Variants in ZNF143 observed in about 807,000 individuals in gnomAD.
The protein encoded by ZNF143 is SPH-binding factor.
In ZNF143, 49 loss-of-function variants were observed where a neutral mutation model predicts 74.1. The ratio of observed to expected loss-of-function variants is 0.66; its 90% CI spans 0.53 to 0.84. ZNF143 has a LOEUF of 0.84. Ranked by LOEUF, ZNF143 falls within the 40% of genes least tolerant of loss-of-function variation. The pLI is 0.00. For synonymous variants in ZNF143, 304 were observed against 282.8 expected, an observed-to-expected ratio of 1.07 and a Z score of -0.75; for missense variants, 637 against 793.4, an observed-to-expected ratio of 0.80 and a Z score of 2.37.
rs185826359 is a variant in ZNF143 at position 9,494,897 on chromosome 11, C to T, written c.765+132C>T. ...CAAGATACTGGCACTTGGTCACACT[C>T]ATACACAGACATGTAAAAACCTATG... On this transcript the variant is annotated intron_variant, in intron 8 of 15. Transcript: ENST00000396602. 2.7e-4 allele frequency: 244 copies of T among 912,410 alleles called. 1 individual carries two copies. In the East Asian group the frequency reaches 6.6e-3, roughly 25 times the overall value. The allele number at this position is 912,410 out of a possible 1,614,324, so 56.5% of individuals were successfully genotyped here.
intron 11 of ZNF143, among the ~76,000 whole-genome samples, chr11:9,501,855 A>G (rs1848170886): frequency 6.6e-6 from 1 of 151,680 alleles, no homozygotes; most frequent in African/African-American, 2.4e-5. Context: ...TTGTGCTGTC[A>G]AAGTTAAGGT....
chr11:9,502,758 G>T (rs1263724591), intron 11 of ZNF143, among the ~76,000 whole-genome samples: 1 of 151,886 alleles, frequency 6.6e-6, no homozygotes, highest in African/African-American at 2.4e-5. Flanking sequence ...CGCCCCCCAG[G>T]TGTAAGCAAT....
rs181713258 is a variant in ZNF143, at chr11:9,461,430, C to T, written c.-8+354C>T. On this transcript the variant is annotated intron_variant, in intron 1 of 15. Transcript: ENST00000396602. Reference sequence around the variant, plus strand: ...CCTCGGGAGCCTTGGCCGCGTTTCTCGGCCTGACCTCCGCGCAGAGCGAGT... The same window carrying T: ...CCTCGGGAGCCTTGGCCGCGTTTCTTGGCCTGACCTCCGCGCAGAGCGAGT... 4.3e-3 allele frequency among the ~76,000 whole-genome samples: 659 copies of T among 152,264 alleles called. 2 individuals carry two copies. The highest frequency in any genetic ancestry group is 0.014 in the Middle Eastern group (4 of 292).
chr11:9,506,805 C>CTT lies in ZNF143; in HGVS notation c.1148-1811_1148-1810dup, dbSNP rs1554967714. Among the ~76,000 whole-genome samples the CTT allele has an allele frequency of 2.0e-5, 3 of 152,108 alleles. No individual in the cohort carries two copies. The Middle Eastern group carries it at 0.01, about 521-fold the overall frequency. ...GACCTGTGAAATGCAGTCCTTTTTT[C>CTT]TTTTCTTTTTCTTTTTTTTTCTTTG... is the stretch of plus-strand genomic sequence containing the variant. On this transcript the variant is annotated intron_variant, in intron 11 of 15. Coordinates refer to ENST00000396602, the MANE Select transcript of ZNF143 (RefSeq NM_003442.6).
intron 1 of ZNF143, chr11:9,471,029 GATC>G (rs1856535801): frequency 5.8e-6 from 1 of 172,850 alleles, no homozygotes; most frequent in South Asian, 2.0e-4. Flanking sequence ...GAATTCTAGA[GATC>G]ATATGAAACT....
At position 9,525,325 on chromosome 11, in the gene ZNF143, C is replaced by A. The variant is rs769432384; in HGVS notation, c.1772C>A (p.Thr591Asn). 3 of 1,614,200 alleles carry A rather than the reference C, an allele frequency of 1.9e-6. No individual in the cohort carries two copies. In the South Asian group the frequency reaches 3.3e-5, roughly 18 times the overall value. ...GHQQHSHHLV[T>N]TETRPLTLVA... Reference sequence around the variant, plus strand: ...CAGCAGCATAGCCATCACTTAGTAACCACAGAAACCAGACCTCTGACCTTA... The same window carrying A: ...CAGCAGCATAGCCATCACTTAGTAAACACAGAAACCAGACCTCTGACCTTA... The change falls in exon 15 of 16, where the codon ACC becomes AAC. Residue 591 changes from threonine to asparagine, a missense_variant. Physicochemically the swap from Thr to Asn is moderately conservative, Grantham distance 65. Transcript: ENST00000396602.
intron 2 of ZNF143, among the ~76,000 whole-genome samples, chr11:9,472,309 G>A (rs181327490): frequency 6.6e-6 from 1 of 152,222 alleles, no homozygotes; most frequent in Admixed American, 6.5e-5. Context: ...CTGGAGGGCA[G>A]TGGCACAATC....
chr11:9,482,926 A>C (rs1419016259), intron 7 of ZNF143, among the ~76,000 whole-genome samples: 2 of 151,512 alleles, frequency 1.3e-5, no homozygotes, highest in Admixed American at 1.3e-4. Flanking sequence ...AATTACTATT[A>C]ATTTCACCTG....
chr11:9,461,124 G>C (rs1855789268), intron 1 of ZNF143, 48 bp downstream of exon 1: 3 of 980,592 alleles, frequency 3.1e-6, no homozygotes, highest in Non-Finnish European at 3.6e-6. Context: ...TTCTCCGCCT[G>C]GCCGCCGCCC....
chr11:9,510,409 C>T (rs1311749663), intron 12 of ZNF143, among the ~76,000 whole-genome samples: 3 of 152,052 alleles, frequency 2.0e-5, no homozygotes. Context: ...CAGGCGTGAG[C>T]CACCGTACCC....
At position 9,471,216 on chromosome 11, in the gene ZNF143, G is replaced by T; in HGVS notation, c.-7-86G>T. 3.5e-6 allele frequency: 4 copies of T among 1,131,670 alleles called. No homozygotes were observed. In the South Asian group the frequency reaches 6.4e-5, roughly 18 times the overall value. 70.1% of individuals were successfully genotyped at this position (1,131,670 alleles called of 1,614,324 possible). A position where few individuals can be genotyped will look rare whatever the true frequency, so the allele number is the denominator to read the frequency against. On this transcript the variant is annotated intron_variant, in intron 1 of 15. Transcript: ENST00000396602. ...TTCCAACACCATTACATCCTCAGCA[G>T]CTTTTTGTGGTTCATAAATATTCTT... is the stretch of plus-strand genomic sequence containing the variant.
chr11:9,514,806 G>A (rs1848666872), intron 13 of ZNF143, among the ~76,000 whole-genome samples: 1 of 152,210 alleles, frequency 6.6e-6, no homozygotes, highest in Non-Finnish European at 1.5e-5. Context: ...GTTGGTAAAG[G>A]CCAGGTCATG....
intron 5 of ZNF143, among the ~76,000 whole-genome samples, chr11:9,478,178 C>T (rs1847092917): frequency 6.6e-6 from 1 of 152,168 alleles, no homozygotes; most frequent in Non-Finnish European, 1.5e-5. Flanking sequence ...GTTACTTCTC[C>T]AAACCTGAGT....
chr11:9,461,101 C>G (rs1056086499), intron 1 of ZNF143, 25 bp downstream of exon 1: 1 of 985,242 alleles, frequency 1.0e-6, no homozygotes, highest in Non-Finnish European at 1.2e-6. Context: ...GTGTTTTTAC[C>G]CAGTGTGCAT....
chr11:9,489,098 C>A (rs558750909), intron 7 of ZNF143, among the ~76,000 whole-genome samples: 1 of 152,224 alleles, frequency 6.6e-6, no homozygotes, highest in African/African-American at 2.4e-5. Flanking sequence ...TACTGTAGGT[C>A]ATTGCTATTT....
intron 11 of ZNF143, 100 bp from the exon 12 acceptor site, chr11:9,508,519 T>G (rs1028628893): frequency 5.7e-6 from 6 of 1,047,870 alleles, no homozygotes; most frequent in Non-Finnish European, 8.3e-6. Context: ...GGTTTGGCAA[T>G]TCTTTATTTT....
chr11:9,462,975 A>G (rs566789240), intron 1 of ZNF143, among the ~76,000 whole-genome samples: 12 of 152,252 alleles, frequency 7.9e-5, no homozygotes, highest in Non-Finnish European at 1.3e-4. Flanking sequence ...CCCGTTAGCA[A>G]TTACTCCCCA....
chr11:9,472,208 C>T (rs1229765626), intron 2 of ZNF143, among the ~76,000 whole-genome samples: 2 of 152,154 alleles, frequency 1.3e-5, no homozygotes, highest in African/African-American at 2.4e-5. Flanking sequence ...GGATTACAGG[C>T]ATGAGCCATT....
intron 14 of ZNF143, among the ~76,000 whole-genome samples, chr11:9,520,580 C>T (rs1376199650): frequency 6.6e-6 from 1 of 151,946 alleles, no homozygotes; most frequent in Non-Finnish European, 1.5e-5. Context: ...ATCACAAGGT[C>T]AGGAGTTCGA....
Sources: allele counts gnomAD v4.1 joint callset (sites outside exome capture counted in the v4.1 genomes callset), GRCh38; gene constraint gnomAD v4.1.1; transcripts MANE v1.5; gene names NCBI Gene and HGNC (gene_info 2026-07-23, HGNC 2026-07-21).